SULT1E1: variants seen among roughly 807,000 people sequenced by gnomAD.
SULT1E1 encodes sulfotransferase family 1E member 1.
Under a neutral mutation model 33.6 loss-of-function variants are expected in SULT1E1, and 36 were observed. That is an observed-to-expected ratio of 1.07 (90% CI 0.82 to 1.41). The LOEUF (loss-of-function observed/expected upper bound fraction) is 1.41, where lower values mean the gene tolerates loss of function less well. SULT1E1 is among the 40% of genes most tolerant of loss of function. The pLI is 0.00. For missense variants in SULT1E1, 371 were observed against 345.7 expected (o/e 1.07, Z -0.58); for synonymous variants, 121 against 111.7 (o/e 1.08, Z -0.53).
chr4:69,836,704 A>G (rs1273862998), downstream of SULT1E1, among the ~76,000 whole-genome samples: 1 of 152,126 alleles, frequency 6.6e-6, no homozygotes, highest in Non-Finnish European at 1.5e-5. Flanking sequence ...AGTAAAACAT[A>G]TATCTTTGTT....
chr4:69,837,417 A>G (rs1720812701), downstream of SULT1E1, among the ~76,000 whole-genome samples: 4 of 152,030 alleles, frequency 2.6e-5, no homozygotes, highest in South Asian at 8.3e-4. Flanking sequence ...TCCCTGAAAG[A>G]TAAGAAAAAC....
intron 2 of SULT1E1, among the ~76,000 whole-genome samples, chr4:69,856,971 G>T (rs1450879091): frequency 7.0e-6 from 1 of 142,444 alleles, no homozygotes; most frequent in Admixed American, 7.2e-5. Flanking sequence ...AGATAACTAA[G>T]GGCATACTTA....
At chr4:69,854,127 G>A (rs188411928) in intron 4 of SULT1E1, 90 bp downstream of exon 4, 14 of 818,664 alleles carry the variant, frequency 1.7e-5, no homozygotes, top group African/African-American at 1.7e-4. Flanking sequence ...TTCAATGAAA[G>A]AATAAATAAA....
chr4:69,844,946 T>C (rs1429176766), intron 6 of SULT1E1, among the ~76,000 whole-genome samples: 1 of 152,108 alleles, frequency 6.6e-6, no homozygotes, highest in Non-Finnish European at 1.5e-5. Flanking sequence ...CATTTCTCTC[T>C]ATGCCAATCA....
chr4:69,849,304 C>A, intron 5 of SULT1E1, 133 bp downstream of exon 5: 1 of 1,077,636 alleles, frequency 9.3e-7, no homozygotes, highest in Non-Finnish European at 1.3e-6. Context: ...CCTCCAGGCG[C>A]CTTTAGATTT....
At chr4:69,835,822 G>A in the SULT1E1 span, among the ~76,000 whole-genome samples, 25 of 152,198 alleles carry the variant, frequency 1.6e-4, no homozygotes, top group African/African-American at 5.5e-4. Flanking sequence ...TAGAGACTGG[G>A]TTGTTTTGTA....
the SULT1E1 span, among the ~76,000 whole-genome samples, chr4:69,823,380 A>C: frequency 1.1e-4 from 17 of 151,984 alleles, no homozygotes; most frequent in African/African-American, 4.1e-4. Context: ...TCCTGAGCAA[A>C]CTAAGCTCTT....
downstream of SULT1E1, among the ~76,000 whole-genome samples, chr4:69,837,615 A>G (rs556633542): frequency 2.9e-4 from 44 of 152,342 alleles, no homozygotes; most frequent in African/African-American, 9.9e-4. Flanking sequence ...TCTCAGCATT[A>G]TGATTCAAAC....
At chr4:69,839,099 G>T (rs890628405), downstream of SULT1E1, among the ~76,000 whole-genome samples, 1 of 152,180 alleles carries the variant, frequency 6.6e-6, no homozygotes, top group Non-Finnish European at 1.5e-5. Context: ...TTTATGGGAT[G>T]GCTCCAATTA....
Position 69,857,626 on chromosome 4 carries a change from A to T in SULT1E1, c.19T>A (p.Tyr7Asn). Residue 7 changes from tyrosine (Y) to asparagine (N), a missense_variant, in exon 2 of 8, where the codon TAT (tyrosine) becomes AAT (asparagine). Tyr to Asn is a moderately radical substitution (Grantham distance 143). Coordinates refer to ENST00000226444, the MANE Select transcript of SULT1E1 (RefSeq NM_005420.3). ...TGGACTTCTTCAAACTTTTCATAATAGTCAAGTTCAGAATTCATTGTGGTA... is the reference window on the plus strand; with the variant it reads ...TGGACTTCTTCAAACTTTTCATAATTGTCAAGTTCAGAATTCATTGTGGTA... MNSELD[Y>N]YEKFEEVHGI... 1 of 1,603,320 alleles carries T rather than the reference A, an allele frequency of 6.2e-7. No individual in the cohort carries two copies.
chr4:69,857,432 C>A (rs1578107505), intron 2 of SULT1E1, 68 bp downstream of exon 2: 10 of 1,532,836 alleles, frequency 6.5e-6, no homozygotes, highest in Non-Finnish European at 8.8e-6. Context: ...GACATGAACA[C>A]CTTAATATTT....
the SULT1E1 span, among the ~76,000 whole-genome samples, chr4:69,821,555 A>C: frequency 2.6e-5 from 4 of 152,302 alleles, no homozygotes; most frequent in South Asian, 8.3e-4. Flanking sequence ...CCTGTCAGTT[A>C]ATACAGAAGA....
chr4:69,855,320 T>A lies in SULT1E1; in HGVS notation c.252A>T (p.Arg84Ser). 6.2e-7 allele frequency: 1 copy of A among 1,612,914 alleles called. No individual in the cohort carries two copies. Among genetic ancestry groups the A allele is most frequent in the South Asian group, 1.1e-5 (1 of 91,020 alleles). Residue 84 changes from arginine to serine, a missense_variant, in exon 3 of 8, where the codon AGA (arginine) becomes AGT (serine). By Grantham distance (110) the Arg-to-Ser change is moderately radical. Transcript: ENST00000226444. ...IFNRIPFLEC[R>S]KENLMNGVKQ... ...CGTTACCATTCATGAGGTTTTCTTT[T>A]CTGCATTCCAGGAAAGGTATTCGAT...
chr4:69,840,210 TA>T (rs200045182), downstream of SULT1E1, among the ~76,000 whole-genome samples: 450 of 151,938 alleles, frequency 3.0e-3, 2 homozygotes, highest in African/African-American at 9.8e-3. Flanking sequence ...TATTAAACAT[TA>T]AAAAAAAGCT....
chr4:69,839,974 C>A (rs986105527), downstream of SULT1E1, among the ~76,000 whole-genome samples: 1 of 152,120 alleles, frequency 6.6e-6, no homozygotes, highest in Admixed American at 6.5e-5. Flanking sequence ...TGCTTACTTA[C>A]GTCAATTATA....
intron 3 of SULT1E1, among the ~76,000 whole-genome samples, chr4:69,854,763 C>A (rs1721202622): frequency 6.6e-6 from 1 of 151,958 alleles, no homozygotes; most frequent in East Asian, 1.9e-4. Context: ...ATCCCAATAC[C>A]ATGCACACAG....
At chr4:69,859,241 C>T (rs1046797818) in intron 1 of SULT1E1, among the ~76,000 whole-genome samples, 1 of 151,986 alleles carries the variant, frequency 6.6e-6, no homozygotes, top group South Asian at 2.1e-4. Context: ...GCTCTCCTTC[C>T]TCTCTTTCTT....
At chr4:69,856,753 T>A (rs1721246278) in intron 2 of SULT1E1, among the ~76,000 whole-genome samples, 1 of 151,590 alleles carries the variant, frequency 6.6e-6, no homozygotes, top group Non-Finnish European at 1.5e-5. Flanking sequence ...GCTAACATGG[T>A]GAAAACCCGT....
chr4:69,835,594 A>G, the SULT1E1 span, among the ~76,000 whole-genome samples: 1 of 152,246 alleles, frequency 6.6e-6, no homozygotes, highest in Non-Finnish European at 1.5e-5. Context: ...ACCAAGGTAT[A>G]TTATTAAAGA....
Sources: gnomAD v4.1 joint callset for allele counts (sites outside exome capture counted in the v4.1 genomes callset) on GRCh38, gnomAD v4.1.1 for gene constraint, MANE v1.5 for transcripts, NCBI Gene and HGNC (gene_info 2026-07-23, HGNC 2026-07-21) for gene names.